FGF12: variants seen among roughly 807,000 people sequenced by gnomAD.
FGF12 encodes fibroblast growth factor 12.
Under a neutral mutation model 23.6 loss-of-function variants are expected in FGF12, and 14 were observed. The observed-to-expected ratio is 0.59, with a 90% CI of 0.39 to 0.93. The LOEUF is 0.93. Ranked by LOEUF, FGF12 falls within the 40% of genes least tolerant of loss-of-function variation. The probability of loss-of-function intolerance (pLI) is 0.00; values close to 1 mark genes in which losing one functional copy is unlikely to be tolerated. For synonymous variants in FGF12, 62 were observed against 77.3 expected (o/e 0.80, Z 1.04); for missense variants, 175 against 217.8 (o/e 0.80, Z 1.24).
At chr3:192,477,915 C>T (rs1016825229) in intron 2 of FGF12, among the ~76,000 whole-genome samples, 1 of 152,210 alleles carries the variant, frequency 6.6e-6, no homozygotes, top group African/African-American at 2.4e-5. Flanking sequence ...CTTTACATCA[C>T]TTAAAAATAC....
chr3:192,158,117 G>A (rs930209338), intron 5 of FGF12, among the ~76,000 whole-genome samples: 2 of 152,196 alleles, frequency 1.3e-5, no homozygotes, highest in African/African-American at 4.8e-5. Context: ...TTGACTGGTC[G>A]TAAGTCAAAA....
intron 2 of FGF12, among the ~76,000 whole-genome samples, chr3:192,720,358 G>T (rs553585168): frequency 6.6e-6 from 1 of 152,350 alleles, no homozygotes; most frequent in South Asian, 2.1e-4. Context: ...TGGGACTTCT[G>T]CCTAGGTGCC....
At chr3:192,471,921 G>T (rs1052516487) in intron 2 of FGF12, among the ~76,000 whole-genome samples, 7 of 152,202 alleles carry the variant, frequency 4.6e-5, no homozygotes, top group Non-Finnish European at 1.0e-4. Flanking sequence ...TGCAACAGAA[G>T]ATTTTTAAGG....
chr3:192,598,215 G>A (rs982727763), intron 2 of FGF12, among the ~76,000 whole-genome samples: 4 of 152,154 alleles, frequency 2.6e-5, no homozygotes, highest in Admixed American at 2.6e-4. Flanking sequence ...AGTTAGAAAA[G>A]CTAACATGAC....
intron 2 of FGF12, among the ~76,000 whole-genome samples, chr3:192,588,362 A>G (rs1217306380): frequency 1.4e-5 from 2 of 146,866 alleles, no homozygotes; most frequent in Non-Finnish European, 3.0e-5. Context: ...AAAAAAAAAA[A>G]AAAAAGAAAA....
chr3:192,421,427 GAAA>G (rs11303029), intron 2 of FGF12, among the ~76,000 whole-genome samples: 126 of 148,388 alleles, frequency 8.5e-4, no homozygotes, highest in African/African-American at 3.1e-3. Context: ...CTGCTTACTT[GAAA>G]AAAAAAAAAT....
chr3:192,387,252 A>G (rs922421010), intron 2 of FGF12, among the ~76,000 whole-genome samples: 4 of 152,178 alleles, frequency 2.6e-5, no homozygotes, highest in African/African-American at 9.7e-5. Flanking sequence ...GGAAGAATTC[A>G]AATGACACCT....
At chr3:192,380,956 T>C (rs968863953) in intron 2 of FGF12, among the ~76,000 whole-genome samples, 1 of 149,544 alleles carries the variant, frequency 6.7e-6, no homozygotes, top group African/African-American at 2.4e-5. Flanking sequence ...TTATATATAG[T>C]ATATATTTAA....
In FGF12 at chr3:192,385,771, G is replaced by A. The variant is rs529443714; in HGVS notation, c.14-25233C>T. Among the ~76,000 whole-genome samples the A allele has an allele frequency of 2.0e-5, 3 of 152,314 alleles. No homozygotes were observed. In the East Asian group the frequency reaches 5.8e-4, roughly 29 times the overall value. Reference sequence around the variant, plus strand: ...CCTTGGAAGTACAGCCAAGGAAGACGAGCACACAGCTCCTGGAAGCAACCT... The same window carrying A: ...CCTTGGAAGTACAGCCAAGGAAGACAAGCACACAGCTCCTGGAAGCAACCT... On this transcript the variant is annotated intron_variant, in intron 2 of 5. Transcript: ENST00000445105.
At chr3:192,443,450 T>C (rs1004415829) in intron 2 of FGF12, among the ~76,000 whole-genome samples, 7 of 152,154 alleles carry the variant, frequency 4.6e-5, no homozygotes, top group Non-Finnish European at 1.0e-4. Context: ...TGCAGGACAG[T>C]AGTAATAAGT....
At chr3:192,656,395 A>G (rs1422809591) in intron 2 of FGF12, among the ~76,000 whole-genome samples, 1 of 152,004 alleles carries the variant, frequency 6.6e-6, no homozygotes, top group Non-Finnish European at 1.5e-5. Context: ...ATTTAAACAC[A>G]CTCAGCATTC....
At chr3:192,464,383 G>A (rs533463438) in intron 2 of FGF12, among the ~76,000 whole-genome samples, 2 of 151,596 alleles carry the variant, frequency 1.3e-5, no homozygotes, top group Admixed American at 6.6e-5. Flanking sequence ...TGAGAACATA[G>A]GATGTTTGGT....
At chr3:192,456,120 T>TA (rs1038579187) in intron 2 of FGF12, among the ~76,000 whole-genome samples, 1 of 152,216 alleles carries the variant, frequency 6.6e-6, no homozygotes, top group African/African-American at 2.4e-5. Context: ...TGAGAGATGA[T>TA]AAAAACATGG....
In FGF12 at chr3:192,375,793, C is replaced by A. The variant is rs1048462013; in HGVS notation, c.14-15255G>T. On this transcript the variant is annotated intron_variant, in intron 2 of 5. Coordinates refer to ENST00000445105, the MANE Select transcript of FGF12 (RefSeq NM_004113.6). ...TCTCTCTCTTTCTTATTGTAATTAA[C>A]TGGACACATAACATCAAAAAGATGC... 7.9e-4 allele frequency among the ~76,000 whole-genome samples: 120 copies of A among 152,078 alleles called. 1 individual carries two copies. The highest frequency in any genetic ancestry group is 1.5e-4 in the Non-Finnish European group (10 of 67,988).
intron 2 of FGF12, among the ~76,000 whole-genome samples, chr3:192,720,244 G>A (rs1484295564): frequency 6.6e-6 from 1 of 152,242 alleles, no homozygotes; most frequent in Non-Finnish European, 1.5e-5. Context: ...AATTATGTGT[G>A]CTTTTTCAAT....
At chr3:192,715,324 A>G (rs1366849638) in intron 2 of FGF12, among the ~76,000 whole-genome samples, 2 of 152,218 alleles carry the variant, frequency 1.3e-5, no homozygotes, top group Non-Finnish European at 2.9e-5. Flanking sequence ...TTCATGAGGA[A>G]AGAGTGTCAG....
At chr3:192,487,398 A>G (rs1414315866) in intron 2 of FGF12, among the ~76,000 whole-genome samples, 1 of 152,076 alleles carries the variant, frequency 6.6e-6, no homozygotes, top group African/African-American at 2.4e-5. Flanking sequence ...TTTCTCCAAG[A>G]CCACACCTAG....
At chr3:192,296,330 C>A (rs1263998778) in intron 4 of FGF12, among the ~76,000 whole-genome samples, 3 of 151,364 alleles carry the variant, frequency 2.0e-5, no homozygotes, top group Non-Finnish European at 4.4e-5. Flanking sequence ...CTCAAGTGGT[C>A]CCCCCACCTC....
At chr3:192,565,408 T>A (rs1480992151) in intron 2 of FGF12, among the ~76,000 whole-genome samples, 5 of 152,236 alleles carry the variant, frequency 3.3e-5, no homozygotes, top group African/African-American at 1.2e-4. Flanking sequence ...GTGTCAGAAA[T>A]AAAGTTACAC....
Sources: gnomAD v4.1 joint callset for allele counts (sites outside exome capture counted in the v4.1 genomes callset) on GRCh38, gnomAD v4.1.1 for gene constraint, MANE v1.5 for transcripts, NCBI Gene and HGNC (gene_info 2026-07-23, HGNC 2026-07-21) for gene names.